The following RNF157 variants were observed in gnomAD, a reference collection of about 807,000 sequenced individuals.
RNF157 encodes the protein E3 ubiquitin ligase RNF157.
A neutral mutation model predicts 88.3 loss-of-function variants in RNF157; 55 were observed. That is an observed-to-expected ratio of 0.62 (90% CI 0.50 to 0.78). The LOEUF (loss-of-function observed/expected upper bound fraction) is 0.78, where lower values mean the gene tolerates loss of function less well. RNF157 is among the 30% of genes least tolerant of loss of function. The pLI is 0.00. For missense variants in RNF157, 788 were observed against 860.8 expected (o/e 0.92, Z 1.06); for synonymous variants, 334 against 341.2 (o/e 0.98, Z 0.23).
chr17:76,190,042 G>A (rs1011272692), intron 2 of RNF157, among the ~76,000 whole-genome samples: 20 of 152,182 alleles, frequency 1.3e-4, no homozygotes, highest in African/African-American at 4.8e-4. Flanking sequence ...AGTGTTCACA[G>A]GGTGGTGTGG....
At chr17:76,219,400 A>G (rs999107245) in intron 1 of RNF157, among the ~76,000 whole-genome samples, 3 of 152,010 alleles carry the variant, frequency 2.0e-5, no homozygotes, top group Non-Finnish European at 4.4e-5. Context: ...AATAGGCTTA[A>G]TTTATATTAT....
At chr17:76,171,030 T>C (rs1052306944) in intron 3 of RNF157, among the ~76,000 whole-genome samples, 3 of 151,890 alleles carry the variant, frequency 2.0e-5, no homozygotes, top group African/African-American at 7.3e-5. Flanking sequence ...ATAGCTGGGA[T>C]TACAGGTGCC....
intron 18 of RNF157, chr17:76,147,386 GCACCACCACCACCACCGCCGC>G: frequency 1.0e-6 from 1 of 977,322 alleles, no homozygotes; most frequent in Non-Finnish European, 1.2e-6. Context: ...AAAAACAGCA[GCACCACCACCACCACCGCCGC>G]CGCCACCACC....
chr17:76,156,272 C>T lies in RNF157; in HGVS notation c.1463G>A (p.Gly488Glu), dbSNP rs1175700769. Residue 488 changes from glycine to glutamate, a missense_variant, in exon 14 of 19, where the codon GGA (glycine) becomes GAA (glutamate). Physicochemically the swap from Gly to Glu is moderately conservative, Grantham distance 98. Coordinates refer to ENST00000269391, the MANE Select transcript of RNF157 (RefSeq NM_052916.3). ...TGTGCAAGACGACTGGTCAATAGCT[C>T]CAGATGACGACAAGGTGAGATTCTC... ...ESENLTLSSS[G>E]AIDQSSCTGT... is the part of the protein sequence containing the mutation. 1.9e-6 allele frequency: 3 copies of T among 1,613,970 alleles called. No homozygotes were observed. Among genetic ancestry groups the T allele is most frequent in the Non-Finnish European group, 2.5e-6 (3 of 1,180,008 alleles).
At chr17:76,228,685 G>A (rs1433177786) in intron 1 of RNF157, among the ~76,000 whole-genome samples, 2 of 152,142 alleles carry the variant, frequency 1.3e-5, no homozygotes, top group African/African-American at 4.8e-5. Context: ...CACTTTGGGA[G>A]GCTGAGGCAG....
rs976091388 is a variant in RNF157, at chr17:76,195,059, T to C, written c.207+17305A>G. Among the ~76,000 whole-genome samples the C allele has an allele frequency of 1.3e-5, 2 of 152,042 alleles. No homozygotes were observed. The highest frequency in any genetic ancestry group is 4.2e-4 in the South Asian group (2 of 4,816). ...CAAGAGCAGAGGGAATGGGAGAGGA[T>C]ATTATAATAAAAACTTGGAAGCTGA... On this transcript the variant is annotated intron_variant, in intron 2 of 18. Transcript: ENST00000269391. The surrounding 1 kb of genome is among the most constrained non-coding windows in gnomAD (Gnocchi z 4.4).
intron 1 of RNF157, among the ~76,000 whole-genome samples, chr17:76,238,601 T>C (rs1382469826): frequency 6.6e-6 from 1 of 152,198 alleles, no homozygotes; most frequent in Non-Finnish European, 1.5e-5. Context: ...AATACTTTCC[T>C]GAGGCAGCAA....
intron 2 of RNF157, among the ~76,000 whole-genome samples, chr17:76,190,320 C>G (rs867693275): frequency 6.6e-6 from 1 of 152,050 alleles, no homozygotes; most frequent in Non-Finnish European, 1.5e-5. Flanking sequence ...GCACGTGCCA[C>G]CATACCCAGC....
intron 1 of RNF157, among the ~76,000 whole-genome samples, chr17:76,225,427 C>T (rs373315454): frequency 1.5e-3 from 235 of 152,280 alleles, no homozygotes; most frequent in South Asian, 4.1e-3. Context: ...AGAAGTAACT[C>T]CACTATTCAC....
chr17:76,170,782 T>C (rs1458608928), intron 3 of RNF157, among the ~76,000 whole-genome samples: 1 of 152,236 alleles, frequency 6.6e-6, no homozygotes, highest in African/African-American at 2.4e-5. Flanking sequence ...TACTAAGTCA[T>C]TTAACGTTCA....
intron 1 of RNF157, chr17:76,226,765 C>A: frequency 6.3e-7 from 1 of 1,583,638 alleles, no homozygotes; most frequent in Non-Finnish European, 8.6e-7. Context: ...ACATCAAGTC[C>A]CCCACCAACA....
chr17:76,223,170 G>T (rs912951939), intron 1 of RNF157, among the ~76,000 whole-genome samples: 9 of 148,936 alleles, frequency 6.0e-5, no homozygotes, highest in Non-Finnish European at 1.3e-4. Context: ...GATTACAGGG[G>T]TGAGCCACCG....
At chr17:76,226,152 T>G in intron 1 of RNF157, 1 of 1,604,370 alleles carries the variant, frequency 6.2e-7, no homozygotes, top group Non-Finnish European at 8.5e-7. Flanking sequence ...CAGATGCCAC[T>G]ATCATTATCT....
intron 2 of RNF157, among the ~76,000 whole-genome samples, chr17:76,211,292 C>A (rs2145022250): frequency 6.6e-6 from 1 of 152,364 alleles, no homozygotes; most frequent in South Asian, 2.1e-4. Flanking sequence ...CTGGAAAGGC[C>A]TCATCCAACC....
intron 2 of RNF157, among the ~76,000 whole-genome samples, chr17:76,183,978 C>A (rs866850854): frequency 2.0e-5 from 3 of 151,900 alleles, no homozygotes; most frequent in Non-Finnish European, 4.4e-5. Flanking sequence ...TTGGTTGAGG[C>A]CAGGAGTTTG....
intron 2 of RNF157, among the ~76,000 whole-genome samples, chr17:76,205,627 A>C (rs2144998892): frequency 6.6e-6 from 1 of 152,232 alleles, no homozygotes; most frequent in South Asian, 2.1e-4. Context: ...TGGGAGGCTG[A>C]AGCAGAAGAA....
At chr17:76,201,854 C>A (rs2144983273) in intron 2 of RNF157, among the ~76,000 whole-genome samples, 1 of 152,034 alleles carries the variant, frequency 6.6e-6, no homozygotes, top group East Asian at 1.9e-4. Flanking sequence ...CTATAATGGC[C>A]ATTAGATATT....
intron 1 of RNF157, among the ~76,000 whole-genome samples, chr17:76,234,085 G>C (rs1568081824): frequency 6.6e-6 from 1 of 152,162 alleles, no homozygotes; most frequent in Non-Finnish European, 1.5e-5. Flanking sequence ...TTCTGTCTCT[G>C]TGGATTTGCC....
chr17:76,143,168 ACCTAGGTATG>A lies in RNF157; in HGVS notation c.*2057_*2066del, dbSNP rs1392616804. ...GAGAAACAAGTAAAGGACATTTCTAACCTAGGTATGCCTTGGACATGGGACTGAGGCCTTG... is the reference window on the plus strand; with the variant it reads ...GAGAAACAAGTAAAGGACATTTCTAACCTTGGACATGGGACTGAGGCCTTG... On this transcript the variant is annotated 3_prime_UTR_variant, in exon 19 of 19. Transcript: ENST00000269391. 2 of 152,296 alleles carry A rather than the reference ACCTAGGTATG, an allele frequency of 1.3e-5. No individual in the cohort carries two copies. The highest frequency in any genetic ancestry group is 2.9e-5 in the Non-Finnish European group (2 of 68,086). The allele number at this position is 152,296 out of a possible 1,614,324, so 9.4% of individuals were successfully genotyped here. A position where few individuals can be genotyped will look rare whatever the true frequency, so the allele number is the denominator to read the frequency against.
Sources: allele counts gnomAD v4.1 joint callset (sites outside exome capture counted in the v4.1 genomes callset), GRCh38; gene constraint gnomAD v4.1.1; non-coding constraint Gnocchi (gnomAD v3.1); transcripts MANE v1.5; gene names NCBI Gene and HGNC (gene_info 2026-07-23, HGNC 2026-07-21).